NELL1: variants seen among roughly 807,000 people sequenced by gnomAD.
NELL1 encodes the protein neural EGFL like 1.
Under a neutral mutation model 107.4 loss-of-function variants are expected in NELL1, and 76 were observed. The ratio of observed to expected loss-of-function variants is 0.71; its 90% CI spans 0.59 to 0.86. NELL1 has a LOEUF of 0.86. NELL1 is among the 40% of genes least tolerant of loss of function. The pLI is 0.00. For synonymous variants in NELL1, 353 were observed against 341.2 expected (o/e 1.03, Z -0.38); for missense variants, 1,024 against 1,005.5 (o/e 1.02, Z -0.25).
At chr11:21,224,392 G>GT (rs1857839419) in intron 13 of NELL1, among the ~76,000 whole-genome samples, 1 of 122,944 alleles carries the variant, frequency 8.1e-6, no homozygotes, top group South Asian at 2.6e-4. Context: ...ACCATACCCA[G>GT]ATTTTTTTTT....
At chr11:20,880,380 A>G (rs903570132) in intron 4 of NELL1, among the ~76,000 whole-genome samples, 3 of 152,250 alleles carry the variant, frequency 2.0e-5, no homozygotes, top group Non-Finnish European at 4.4e-5. Flanking sequence ...TGCCAAGGGC[A>G]TGTAATGTAT....
intron 15 of NELL1, among the ~76,000 whole-genome samples, chr11:21,495,912 A>G (rs1854965298): frequency 6.6e-6 from 1 of 152,028 alleles, no homozygotes. Context: ...TTATAAATAT[A>G]TTGTCATATA....
At chr11:20,988,869 T>G (rs1851911058) in intron 12 of NELL1, among the ~76,000 whole-genome samples, 1 of 152,162 alleles carries the variant, frequency 6.6e-6, no homozygotes, top group African/African-American at 2.4e-5. Context: ...ATTATAGGTA[T>G]GAGCCACCGT....
intron 4 of NELL1, among the ~76,000 whole-genome samples, chr11:20,870,175 A>G (rs1037955399): frequency 6.6e-6 from 1 of 152,206 alleles, no homozygotes; most frequent in African/African-American, 2.4e-5. Flanking sequence ...AGGTAAGGAA[A>G]TAATCCAGGA....
intron 12 of NELL1, among the ~76,000 whole-genome samples, chr11:21,097,978 A>C (rs1464555980): frequency 2.1e-5 from 3 of 142,130 alleles, no homozygotes; most frequent in Non-Finnish European, 3.0e-5. Context: ...CCCAACTCCA[A>C]AAAAAAAAAA....
At position 21,520,791 on chromosome 11, in the gene NELL1, C is replaced by A. The variant is rs1253054975; in HGVS notation, c.1646-13583C>A. Among the ~76,000 whole-genome samples the A allele has an allele frequency of 3.3e-5, 5 of 152,204 alleles. No individual in the cohort carries two copies. The East Asian group carries it at 7.7e-4, about 23-fold the overall frequency. On this transcript the variant is annotated intron_variant, in intron 15 of 19. Transcript: ENST00000357134. ...TCCTTACCTCATGCTGACCTAATTT[C>A]TATTCTCCCAGATCTGTATTCCCTG... is the stretch of plus-strand genomic sequence containing the variant.
At chr11:21,289,549 ACCAGG>A (rs147736711) in intron 14 of NELL1, among the ~76,000 whole-genome samples, 1,584 of 152,236 alleles carry the variant, frequency 0.01, 32 homozygotes, top group African/African-American at 0.037. Context: ...TGCCTGTATC[ACCAGG>A]CCCTGGGTTT....
chr11:20,908,299 A>G (rs1264273004), intron 5 of NELL1, among the ~76,000 whole-genome samples: 1 of 152,188 alleles, frequency 6.6e-6, no homozygotes, highest in Non-Finnish European at 1.5e-5. Context: ...CATGGAACTA[A>G]CCCAAATTCT....
intron 12 of NELL1, among the ~76,000 whole-genome samples, chr11:21,071,498 A>T (rs182661561): frequency 6.6e-6 from 1 of 152,334 alleles, no homozygotes; most frequent in African/African-American, 2.4e-5. Flanking sequence ...ACTACAAAGA[A>T]TATTTTGCGG....
intron 3 of NELL1, among the ~76,000 whole-genome samples, chr11:20,846,859 G>A (rs946406637): frequency 6.6e-6 from 1 of 152,214 alleles, no homozygotes; most frequent in Non-Finnish European, 1.5e-5. Flanking sequence ...TAGCCCTGTT[G>A]TGTGCCTGAG....
intron 14 of NELL1, among the ~76,000 whole-genome samples, chr11:21,336,117 C>A (rs922460818): frequency 3.3e-5 from 5 of 152,026 alleles, no homozygotes; most frequent in Non-Finnish European, 7.4e-5. Flanking sequence ...GTCAAAGCCT[C>A]AGTGTTTTTT....
At chr11:21,095,301 C>T (rs1441514375) in intron 12 of NELL1, among the ~76,000 whole-genome samples, 1 of 152,178 alleles carries the variant, frequency 6.6e-6, no homozygotes, top group African/African-American at 2.4e-5. Context: ...TTCATCAAAG[C>T]CATTCAACAG....
chr11:21,292,484 G>A (rs1448570339), intron 14 of NELL1, among the ~76,000 whole-genome samples: 14 of 152,062 alleles, frequency 9.2e-5, no homozygotes, highest in South Asian at 2.1e-4. Flanking sequence ...AATCAGTATC[G>A]TGAAAATGGC....
At chr11:20,929,746 C>T (rs1407294056) in intron 9 of NELL1, among the ~76,000 whole-genome samples, 3 of 152,122 alleles carry the variant, frequency 2.0e-5, no homozygotes, top group Admixed American at 1.3e-4. Flanking sequence ...CCGAGGCCGT[C>T]GGATCACCTG....
intron 15 of NELL1, among the ~76,000 whole-genome samples, chr11:21,516,963 T>C (rs1162400383): frequency 6.6e-6 from 1 of 152,044 alleles, no homozygotes; most frequent in Non-Finnish European, 1.5e-5. Context: ...CTAATTTTTG[T>C]ATTTTTAGTA....
intron 15 of NELL1, among the ~76,000 whole-genome samples, chr11:21,459,125 G>A (rs923273293): frequency 6.6e-6 from 1 of 151,946 alleles, no homozygotes; most frequent in African/African-American, 2.4e-5. Flanking sequence ...AGCAACATTG[G>A]GAAGGAGGGA....
chr11:20,760,023 C>A (rs1856384420), intron 2 of NELL1, among the ~76,000 whole-genome samples: 3 of 152,206 alleles, frequency 2.0e-5, no homozygotes, highest in Middle Eastern at 3.2e-3. Flanking sequence ...ATACTTCATT[C>A]TCTCCCTACA....
chr11:21,148,571 G>T (rs1444439081), intron 13 of NELL1, among the ~76,000 whole-genome samples: 1 of 152,176 alleles, frequency 6.6e-6, no homozygotes, highest in African/African-American at 2.4e-5. Context: ...AGTTCCTTGA[G>T]TTGCTGATGA....
In NELL1 at chr11:21,171,088, T is replaced by TA. The variant is rs1009479770; in HGVS notation, c.1426+57375dup. The stretch of plus-strand genomic sequence containing the variant: ...ATACGTACATATCCAGCCTTTGCCT[T>TA]ACGGCTGTCCTCTAGATGTTTTCCT... On this transcript the variant is annotated intron_variant, in intron 13 of 19. Transcript: ENST00000357134. Among the ~76,000 whole-genome samples, 32 of 151,974 alleles carry TA rather than the reference T, an allele frequency of 2.1e-4. 1 individual carries two copies. Among genetic ancestry groups the TA allele is most frequent in the Admixed American group, 9.2e-4 (14 of 15,286 alleles).
Sources: gnomAD v4.1 joint callset for allele counts (sites outside exome capture counted in the v4.1 genomes callset) on GRCh38, gnomAD v4.1.1 for gene constraint, MANE v1.5 for transcripts, NCBI Gene and HGNC (gene_info 2026-07-23, HGNC 2026-07-21) for gene names.